Variants in MRC2 observed in about 807,000 individuals in gnomAD.
The protein encoded by MRC2 is C-type mannose receptor 2.
Under a neutral mutation model 206.2 loss-of-function variants are expected in MRC2, and 84 were observed. The observed-to-expected ratio is 0.41, with a 90% CI of 0.34 to 0.49. MRC2 has a LOEUF of 0.49. Among genes scored for constraint, MRC2 ranks in the 20% least tolerant of loss-of-function variants. The probability of loss-of-function intolerance (pLI) is 0.31; values close to 1 mark genes in which losing one functional copy is unlikely to be tolerated. For missense variants in MRC2, 1,676 were observed against 2,001.5 expected (o/e 0.84, Z 3.10); for synonymous variants, 798 against 800.0 (o/e 1.00, Z 0.04).
chr17:62,636,500 G>T (rs1282449354), intron 1 of MRC2, among the ~76,000 whole-genome samples: 5 of 125,002 alleles, frequency 4.0e-5, no homozygotes, highest in Admixed American at 1.0e-4. Context: ...ACGGAGTCTC[G>T]CTCTGTCGCC....
Position 62,671,852 on chromosome 17 carries a change from G to T in MRC2, c.1306+15G>T, listed in dbSNP as rs200249204. 6.3e-7 allele frequency: 1 copy of T among 1,587,028 alleles called. No individual in the cohort carries two copies. The highest frequency in any genetic ancestry group is 2.2e-5 in the East Asian group (1 of 44,454). The stretch of plus-strand genomic sequence containing the variant: ...GATCAAGCAAGGTGAGGAGCTGCCC[G>T]CCCACGTGTCTGGGTGGAGGGCAGG... On this transcript the variant is annotated intron_variant, in intron 7 of 29. Transcript: ENST00000303375. The surrounding 1 kb of genome is among the most constrained non-coding windows in gnomAD (Gnocchi z 4.5).
At chr17:62,676,255 G>A (rs1035096537) in intron 10 of MRC2, 128 bp from the exon 11 acceptor site, 27 of 1,173,970 alleles carry the variant, frequency 2.3e-5, no homozygotes, top group Non-Finnish European at 3.0e-5. Context: ...GCTCCCAGGC[G>A]TCCCTGCTTT....
intron 1 of MRC2, among the ~76,000 whole-genome samples, chr17:62,639,607 C>T (rs868035073): frequency 1.3e-5 from 2 of 151,966 alleles, no homozygotes; most frequent in Non-Finnish European, 1.5e-5. Flanking sequence ...ATATTAATCT[C>T]AAAGATAAAA....
intron 1 of MRC2, among the ~76,000 whole-genome samples, chr17:62,635,189 CTCTTT>C (rs2088297747): frequency 2.6e-5 from 3 of 114,564 alleles, no homozygotes; most frequent in Non-Finnish European, 5.1e-5. Flanking sequence ...TGCTATTTTT[CTCTTT>C]TTTTTTTTTT....
At chr17:62,657,891 T>G (rs1176195529) in intron 1 of MRC2, among the ~76,000 whole-genome samples, 6 of 151,994 alleles carry the variant, frequency 3.9e-5, no homozygotes, top group African/African-American at 1.4e-4. Context: ...CCACTTCGGG[T>G]GGAAAATGCT....
In MRC2 at chr17:62,635,136, G is replaced by GT. The variant is rs112574606; in HGVS notation, c.118+7226dup. 7.9e-3 allele frequency among the ~76,000 whole-genome samples: 932 copies of GT among 117,484 alleles called. 8 individuals carry two copies. The highest frequency in any genetic ancestry group is 0.018 in the African/African-American group (535 of 30,478). The allele number at this position is 117,484 out of a possible 152,430, so 77.1% of individuals were successfully genotyped here. A position where few individuals can be genotyped will look rare whatever the true frequency, so the allele number is the denominator to read the frequency against. ...GTGCACCACCATGCCCAGCCCCATT[G>GT]TTTTTTTTTTAAATTGAAGCAGGTC... On this transcript the variant is annotated intron_variant, in intron 1 of 29. Transcript: ENST00000303375.
intron 1 of MRC2, among the ~76,000 whole-genome samples, chr17:62,630,285 T>C (rs2460285): frequency 1 from 152,094 of 152,330 alleles, 75,932 homozygotes; most frequent in Middle Eastern, 1. Flanking sequence ...CCATTTCATT[T>C]TGATAACAAC....
Position 62,690,749 on chromosome 17 carries a change from T to A in MRC2, c.4000T>A (p.Phe1334Ile), listed in dbSNP as rs1213748924. The change falls in exon 27 of 30, where the codon TTC becomes ATC. Residue 1334 changes from phenylalanine (F) to isoleucine (I), a missense_variant. Around this residue, in one of 3 missense-constraint regions of MRC2, gnomAD observed 1,354 missense variants for 1,636.6 expected, o/e 0.83. Transcript: ENST00000303375. ...TCGGGGCGCCTGGCTGGGCATGAAC[T>A]TCAACCCCAAAGGTGGGTGCCCTGT... ...QSRGAWLGMN[F>I]NPKGGTLVWQ... 3.1e-6 allele frequency: 5 copies of A among 1,607,782 alleles called. No homozygotes were observed. In the Admixed American group the frequency reaches 8.5e-5, roughly 27 times the overall value.
At chr17:62,678,457 G>C (rs769981803) in intron 12 of MRC2, 47 bp from the exon 13 acceptor site, 1 of 1,591,862 alleles carries the variant, frequency 6.3e-7, no homozygotes, top group Admixed American at 1.9e-5. Flanking sequence ...CCCCCTGAGG[G>C]GTGGGCCAGT....
chr17:62,679,929 T>C (rs1447416219), intron 14 of MRC2, 27 bp downstream of exon 14: 1 of 1,514,028 alleles, frequency 6.6e-7, no homozygotes, highest in East Asian at 2.5e-5. Context: ...TACTTGGGAC[T>C]GCGAGGCCGG....
At chr17:62,690,829 C>T (rs2089099975) in intron 27 of MRC2, 68 bp downstream of exon 27, 2 of 1,515,280 alleles carry the variant, frequency 1.3e-6, no homozygotes, top group Non-Finnish European at 1.8e-6. Flanking sequence ...TCCACTTTGC[C>T]CTGAGCCTTG....
At chr17:62,688,163 G>C (rs2089055164) in intron 20 of MRC2, 126 bp from the exon 21 acceptor site, 1 of 739,464 alleles carries the variant, frequency 1.4e-6, no homozygotes, top group Non-Finnish European at 2.2e-6. Context: ...CTGGTTCTCA[G>C]ATACTGTTCT....
intron 1 of MRC2, among the ~76,000 whole-genome samples, chr17:62,631,187 T>C (rs973725306): frequency 2.6e-4 from 39 of 152,194 alleles, no homozygotes; most frequent in African/African-American, 8.9e-4. Flanking sequence ...TCCTCATCAG[T>C]TTAAGCATCG....
chr17:62,689,473 G>A (rs779754807), intron 23 of MRC2, 49 bp from the exon 24 acceptor site: 9 of 1,274,800 alleles, frequency 7.1e-6, no homozygotes, highest in South Asian at 4.4e-5. Flanking sequence ...GCCTGGGAAC[G>A]GGGTGAGGGA....
Position 62,692,053 on chromosome 17 carries a change from T to C in MRC2, c.4193-59T>C. ...GGCCTGTGTGCTTTGTATGTTTACTTAAGTGATTATTACGATGATCACTGC... is the reference window on the plus strand; with the variant it reads ...GGCCTGTGTGCTTTGTATGTTTACTCAAGTGATTATTACGATGATCACTGC... On this transcript the variant is annotated intron_variant, in intron 28 of 29. Transcript: ENST00000303375. The surrounding 1 kb of genome is among the most constrained non-coding windows in gnomAD (Gnocchi z 4.2). The C allele has an allele frequency of 6.2e-7, 1 of 1,609,538 alleles. No homozygotes were observed. Among genetic ancestry groups the C allele is most frequent in the Non-Finnish European group, 8.5e-7 (1 of 1,175,970 alleles).
At chr17:62,642,610 C>G (rs931671556) in intron 1 of MRC2, among the ~76,000 whole-genome samples, 10 of 152,148 alleles carry the variant, frequency 6.6e-5, no homozygotes, top group African/African-American at 2.4e-4. Context: ...CCATGCCCGG[C>G]TAATTTTTGT....
chr17:62,669,643 T>C (rs4968705), intron 6 of MRC2, among the ~76,000 whole-genome samples: 16,676 of 151,986 alleles, frequency 0.11, 1,140 homozygotes, highest in South Asian at 0.19. Context: ...GATTCTCATC[T>C]CCAGGTTCAA....
chr17:62,692,107 C>A lies in MRC2; in HGVS notation c.4193-5C>A. 1 of 1,614,258 alleles carries A rather than the reference C, an allele frequency of 6.2e-7. No homozygotes were observed. The highest frequency in any genetic ancestry group is 8.5e-7 in the Non-Finnish European group (1 of 1,180,054). On this transcript the variant is annotated splice_region_variant and splice_polypyrimidine_tract_variant and intron_variant, in intron 28 of 29. Transcript: ENST00000303375. This position sits in a 1 kb window ranked among gnomAD's most constrained non-coding sequence, Gnocchi z 4.2. ...TATTAACTGGCCCCCTCCTCTTGCC[C>A]ACAGCTGAGCAGAGCAGCTTCTCCC... is the stretch of plus-strand genomic sequence containing the variant.
At chr17:62,681,718 A>T in intron 18 of MRC2, 119 bp from the exon 19 acceptor site, 1 of 793,568 alleles carries the variant, frequency 1.3e-6, no homozygotes, top group East Asian at 2.7e-5. Context: ...GCCTACAGCC[A>T]CTAAACCCCA....
Sources: allele counts gnomAD v4.1 joint callset (sites outside exome capture counted in the v4.1 genomes callset), GRCh38; gene constraint gnomAD v4.1.1; regional missense constraint gnomAD v4.1.1; non-coding constraint Gnocchi (gnomAD v3.1); transcripts MANE v1.5; gene names NCBI Gene and HGNC (gene_info 2026-07-23, HGNC 2026-07-21).